The following SETD1A variants were observed in gnomAD, a reference collection of about 807,000 sequenced individuals.
SETD1A encodes SET domain containing 1A, histone lysine methyltransferase, also known as histone-lysine N-methyltransferase SETD1A.
In SETD1A, 29 loss-of-function variants were observed where a neutral mutation model predicts 149.9. The ratio of observed to expected loss-of-function variants is 0.19; its 90% CI spans 0.14 to 0.26. The LOEUF is 0.26. SETD1A is among the 10% of genes least tolerant of loss of function. SETD1A has a pLI of 1.00. For synonymous variants in SETD1A, 1,141 were observed against 968.5 expected (o/e 1.18, Z -3.31); for missense variants, 2,109 against 2,353.1 (o/e 0.90, Z 2.15).
At chr16:30,959,068 T>C in intron 2 of SETD1A, 23 bp from the exon 3 acceptor site, 1 of 1,573,818 alleles carries the variant, frequency 6.4e-7, no homozygotes. Context: ...GAGCTCTCTT[T>C]CTGCTGCTGC....
rs144470571 is a variant in SETD1A at position 30,966,897 on chromosome 16, C to T, written c.2519C>T (p.Ala840Val). ...TGCTGCCTGCAGCCATTCCAGAACG[C>T]GGCCAAGCAGCAAGCCAAGGAGGAG... ...KEEKAKPFQN[A>V]AKQQAKEEDK... Residue 840 changes from alanine (A) to valine (V), a missense_variant, in exon 9 of 19, where the codon GCG becomes GTG. Physicochemically the swap from Ala to Val is moderately conservative, Grantham distance 64. Around this residue, in one of 8 missense-constraint regions of SETD1A, gnomAD observed 832 missense variants for 815.6 expected, o/e 1.02. Transcript: ENST00000262519. The T allele has an allele frequency of 1.5e-5, 23 of 1,559,020 alleles. No homozygotes were observed. In the African/African-American group the frequency reaches 1.5e-4, roughly 10 times the overall value.
At position 30,958,716 on chromosome 16, in the gene SETD1A, G is replaced by A; in HGVS notation, c.-15-1G>A. The A allele has an allele frequency of 2.5e-6, 4 of 1,613,968 alleles. No homozygotes were observed. The highest frequency in any genetic ancestry group is 3.4e-6 in the Non-Finnish European group (4 of 1,179,874). On this transcript the variant is annotated splice_acceptor_variant, in intron 1 of 18. Transcript: ENST00000262519. LOFTEE classifies it low-confidence loss of function (5UTR_SPLICE). The stretch of plus-strand genomic sequence containing the variant: ...CTTGCGTGTCCCTCTTCCCCTAACA[G>A]TGTAAATGAGCAAAGATGGATCAGG...
chr16:30,978,156 C>T (rs1269994792), intron 13 of SETD1A, among the ~76,000 whole-genome samples: 1 of 152,006 alleles, frequency 6.6e-6, no homozygotes, highest in Non-Finnish European at 1.5e-5. Flanking sequence ...TGCCTGTAGT[C>T]CCAGCTACTC....
At chr16:30,981,238 C>A in intron 17 of SETD1A, 58 bp downstream of exon 17, 2 of 1,598,654 alleles carry the variant, frequency 1.3e-6, no homozygotes, top group South Asian at 1.1e-5. Flanking sequence ...AGCATGGGGG[C>A]TCACACACAT....
chr16:30,982,457 C>T (rs1322698531), intron 17 of SETD1A, among the ~76,000 whole-genome samples: 4 of 151,158 alleles, frequency 2.6e-5, no homozygotes, highest in South Asian at 4.2e-4. Flanking sequence ...GCCAAGATCG[C>T]GCCATTGCAC....
chr16:30,960,056 T>C (rs570112890), intron 3 of SETD1A, among the ~76,000 whole-genome samples: 1 of 152,324 alleles, frequency 6.6e-6, no homozygotes, highest in South Asian at 2.1e-4. Context: ...TCTCTCTCAG[T>C]TGGTCACCGA....
chr16:30,965,500 G>A, intron 7 of SETD1A, 39 bp downstream of exon 7: 2 of 1,582,242 alleles, frequency 1.3e-6, no homozygotes, highest in Non-Finnish European at 1.7e-6. Context: ...CCTGGGCTCT[G>A]GGAGTCAGGG....
chr16:30,964,082 C>G lies in SETD1A; in HGVS notation c.640-12C>G, dbSNP rs1596673285. The G allele has an allele frequency of 6.2e-7, 1 of 1,608,834 alleles. No individual in the cohort carries two copies. The highest frequency in any genetic ancestry group is 1.3e-5 in the African/African-American group (1 of 74,956). ...CCCATTCCTCTCTCCTTGCCCTGCTCTGTCGCTCTAGGCCGAATCCCGCCG... is the reference window on the plus strand; with the variant it reads ...CCCATTCCTCTCTCCTTGCCCTGCTGTGTCGCTCTAGGCCGAATCCCGCCG... On this transcript the variant is annotated splice_polypyrimidine_tract_variant and intron_variant, in intron 5 of 18. Coordinates refer to ENST00000262519, the MANE Select transcript of SETD1A (RefSeq NM_014712.3).
At chr16:30,975,315 A>G (rs2056271712) in intron 13 of SETD1A, among the ~76,000 whole-genome samples, 2 of 152,148 alleles carry the variant, frequency 1.3e-5, no homozygotes, top group African/African-American at 2.4e-5. Flanking sequence ...GTCTCAAAAA[A>G]AAGAATTGGG....
chr16:30,981,760 G>A (rs1410561590), intron 17 of SETD1A, among the ~76,000 whole-genome samples: 2 of 152,180 alleles, frequency 1.3e-5, no homozygotes, highest in African/African-American at 4.8e-5. Context: ...GTTCCAGCCT[G>A]AGCAATATTG....
At chr16:30,967,171 T>C in intron 9 of SETD1A, 111 bp downstream of exon 9, 2 of 800,774 alleles carry the variant, frequency 2.5e-6, no homozygotes, top group Non-Finnish European at 3.8e-6. Flanking sequence ...TTCTTTTTTT[T>C]GAGATGGAGT....
rs1409899637 is a variant in SETD1A, at chr16:30,979,293, C to T, written c.3507C>T (p.Ser1169=). The T allele has an allele frequency of 6.2e-7, 1 of 1,613,736 alleles. No individual in the cohort carries two copies. Among genetic ancestry groups the T allele is most frequent in the African/African-American group, 1.3e-5 (1 of 75,022 alleles). The change falls in exon 14 of 19, where the codon TCC becomes TCT. Residue 1169 remains serine (S), a synonymous_variant. Coordinates refer to ENST00000262519, the MANE Select transcript of SETD1A (RefSeq NM_014712.3). Reference sequence around the variant, plus strand: ...CCAAGAAACGCCGGAAAACTGTCTCCTTCTCTGCCATCGAGGTGGTGCCAG... The same window carrying T: ...CCAAGAAACGCCGGAAAACTGTCTCTTTCTCTGCCATCGAGGTGGTGCCAG... The part of the protein sequence containing the change: ...PPPKKRRKTV[S]FSAIEVVPAP...
rs757010382 is a variant in SETD1A, at chr16:30,969,319, A to G, written c.2785A>G (p.Lys929Glu). 1.5e-5 allele frequency: 25 copies of G among 1,613,834 alleles called. No individual in the cohort carries two copies. Among genetic ancestry groups the G allele is most frequent in the Non-Finnish European group, 2.0e-5 (24 of 1,179,952 alleles). The change falls in exon 11 of 19, where the codon AAG becomes GAG. Residue 929 changes from lysine to glutamate, a missense_variant. By Grantham distance (56) the Lys-to-Glu change is moderately conservative. Around this residue, in one of 8 missense-constraint regions of SETD1A, gnomAD observed 832 missense variants for 815.6 expected, o/e 1.02. Transcript: ENST00000262519. ...EEDEDDPEQE[K>E]EAGEPGRPGT... ...TGCTGGCCTAGACCCTGAACAAGAG[A>G]AGGAGGCTGGAGAGCCAGGACGTCC... is the stretch of plus-strand genomic sequence containing the variant.
At position 30,965,960 on chromosome 16, in the gene SETD1A, G is replaced by A; in HGVS notation, c.2079G>A (p.Leu693=). The A allele has an allele frequency of 1.2e-6, 2 of 1,603,400 alleles. No individual in the cohort carries two copies. Among genetic ancestry groups the A allele is most frequent in the African/African-American group, 2.7e-5 (2 of 74,806 alleles). Residue 693 remains leucine, a synonymous_variant, in exon 8 of 19, where the codon CTG becomes CTA. Coordinates refer to ENST00000262519, the MANE Select transcript of SETD1A (RefSeq NM_014712.3). ...QTQMLTRLHQ[L]RQGKGLIAAS... Reference sequence around the variant, plus strand: ...AGATGTTAACTCGGCTCCATCAGCTGCGGCAGGGCAAGGGATTGATTGCCG... The same window carrying A: ...AGATGTTAACTCGGCTCCATCAGCTACGGCAGGGCAAGGGATTGATTGCCG...
chr16:30,965,515 G>A (rs2056128074), intron 7 of SETD1A, 54 bp downstream of exon 7: 5 of 1,589,204 alleles, frequency 3.1e-6, no homozygotes, highest in Non-Finnish European at 4.3e-6. Flanking sequence ...TCAGGGTTGG[G>A]CCTAGGGGAG....
rs766060372 is a variant in SETD1A, at chr16:30,979,214, C to G, written c.3428C>G (p.Pro1143Arg). ...GAACCACCTGCTGGGCCCCCGGCCCCTGCCCCACGCCCCGATGAGCGTCCC... is the reference window on the plus strand; with the variant it reads ...GAACCACCTGCTGGGCCCCCGGCCCGTGCCCCACGCCCCGATGAGCGTCCC... ...PPEPPAGPPA[P>R]APRPDERPSS... Residue 1143 changes from proline to arginine, a missense_variant, in exon 14 of 19, where the codon CCT becomes CGT. By Grantham distance (103) the Pro-to-Arg change is moderately radical. Coordinates refer to ENST00000262519, the MANE Select transcript of SETD1A (RefSeq NM_014712.3). 4 of 1,586,182 alleles carry G rather than the reference C, an allele frequency of 2.5e-6. No homozygotes were observed. The highest frequency in any genetic ancestry group is 2.7e-5 in the African/African-American group (2 of 74,524).
intron 4 of SETD1A, among the ~76,000 whole-genome samples, chr16:30,962,178 C>T (rs944519352): frequency 6.6e-6 from 1 of 151,988 alleles, no homozygotes; most frequent in African/African-American, 2.4e-5. Flanking sequence ...GATTCTTCTG[C>T]CTCAGCCTCT....
In SETD1A at chr16:30,984,320, TC is replaced by T. The variant is rs2056425480; in HGVS notation, c.*298del. On this transcript the variant is annotated 3_prime_UTR_variant, in exon 19 of 19. Coordinates refer to ENST00000262519, the MANE Select transcript of SETD1A (RefSeq NM_014712.3). ...ACCTGGGGTGCCGGCCTGTACAGAT[TC>T]TGTCCTGGGGGGCTACACAGTCCTC... The T allele has an allele frequency of 2.4e-6, 1 of 416,546 alleles. No homozygotes were observed. The allele number at this position is 416,546 out of a possible 1,614,324, so 25.8% of individuals were successfully genotyped here.
chr16:30,966,197 A>C lies in SETD1A; in HGVS notation c.2316A>C (p.Pro772=). The C allele has an allele frequency of 1.2e-6, 2 of 1,612,802 alleles. No homozygotes were observed. The highest frequency in any genetic ancestry group is 1.7e-6 in the Non-Finnish European group (2 of 1,179,642). Residue 772 remains proline (P), a synonymous_variant, in exon 8 of 19, where the codon CCA becomes CCC. Coordinates refer to ENST00000262519, the MANE Select transcript of SETD1A (RefSeq NM_014712.3). ...TCTCGGGAGAGGAGGCCCGGCTGCC[A>C]CCCAGGGAAGAAGCAGAGCTGGCAG... The part of the protein sequence containing the change: ...SSVSGEEARL[P]PREEAELAEG...
Sources: gnomAD v4.1 joint callset for allele counts (sites outside exome capture counted in the v4.1 genomes callset) on GRCh38, gnomAD v4.1.1 for gene constraint, gnomAD v4.1.1 regional missense constraint, MANE v1.5 for transcripts, NCBI Gene and HGNC (gene_info 2026-07-23, HGNC 2026-07-21) for gene names.